Variants in GNG7 observed in about 807,000 individuals in gnomAD.
The protein encoded by GNG7 is G protein subunit gamma 7, also known as guanine nucleotide-binding protein G(I)/G(S)/G(O) subunit gamma-7.
A neutral mutation model predicts 4.0 loss-of-function variants in GNG7; 1 was observed. That is an observed-to-expected ratio of 0.25 (90% CI 0.09 to 1.18). The LOEUF is 1.18. Among genes scored for constraint, GNG7 ranks in the 50% most tolerant of loss-of-function variants. The pLI is 0.50. For synonymous variants in GNG7, 34 were observed against 36.9 expected, an observed-to-expected ratio of 0.92 and a Z score of 0.29; for missense variants, 86 against 91.9, an observed-to-expected ratio of 0.94 and a Z score of 0.26.
chr19:2,524,474 ATGTG>A (rs575709439), intron 3 of GNG7, among the ~76,000 whole-genome samples: 101 of 152,020 alleles, frequency 6.6e-4, no homozygotes, highest in Non-Finnish European at 1.3e-3. Context: ...GTGTGCATGT[ATGTG>A]TGTATGTGTA....
At chr19:2,624,812 G>T (rs1454538115) in intron 2 of GNG7, among the ~76,000 whole-genome samples, 1 of 152,240 alleles carries the variant, frequency 6.6e-6, no homozygotes, top group Admixed American at 6.5e-5. Context: ...CGGGCACAGG[G>T]GCCCGAGCCC....
intron 2 of GNG7, among the ~76,000 whole-genome samples, chr19:2,575,015 C>T (rs1980262778): frequency 6.6e-6 from 1 of 152,096 alleles, no homozygotes; most frequent in South Asian, 2.1e-4. Context: ...TCTGAGCTGT[C>T]AGGGAACCAG....
intron 2 of GNG7, among the ~76,000 whole-genome samples, chr19:2,578,027 C>T (rs1980395096): frequency 1.3e-5 from 2 of 151,436 alleles, no homozygotes; most frequent in South Asian, 2.1e-4. Context: ...TTTGTAGAGA[C>T]GGAGGTCTCG....
chr19:2,554,559 A>T (rs113003368), intron 3 of GNG7, among the ~76,000 whole-genome samples: 7,816 of 130,050 alleles, frequency 0.06, 299 homozygotes, highest in South Asian at 0.11. Flanking sequence ...ATATATATAT[A>T]TTTTTTTTTT....
chr19:2,515,230 A>G, intron 4 of GNG7, 83 bp from the exon 5 acceptor site: 1 of 1,574,484 alleles, frequency 6.4e-7, no homozygotes, highest in Middle Eastern at 2.3e-4. Context: ...CATTCCCAAG[A>G]GCCACAGGCG....
intron 1 of GNG7, among the ~76,000 whole-genome samples, chr19:2,702,201 T>A (rs1599468961): frequency 2.0e-5 from 1 of 49,168 alleles, no homozygotes; most frequent in Admixed American, 2.7e-4. Flanking sequence ...AACTCAGACC[T>A]CCAATCCCAC....
At chr19:2,664,950 G>T (rs1013338245) in intron 1 of GNG7, among the ~76,000 whole-genome samples, 2 of 151,732 alleles carry the variant, frequency 1.3e-5, no homozygotes, top group African/African-American at 4.8e-5. Flanking sequence ...ACCCTCAGTT[G>T]ACACCCCCTG....
chr19:2,568,705 T>C (rs1980040010), intron 2 of GNG7, among the ~76,000 whole-genome samples: 1 of 145,514 alleles, frequency 6.9e-6, no homozygotes, highest in Non-Finnish European at 1.5e-5. Flanking sequence ...ACATAAAATA[T>C]AGACACACAT....
rs147662493 is a variant in GNG7, at chr19:2,528,980, C to T, written c.-37-8255G>A. 9.2e-3 allele frequency among the ~76,000 whole-genome samples: 1,408 copies of T among 152,288 alleles called. 6 individuals carry two copies. The highest frequency in any genetic ancestry group is 0.015 in the Non-Finnish European group (999 of 68,016). On this transcript the variant is annotated intron_variant, in intron 3 of 4. Coordinates refer to ENST00000382159, the MANE Select transcript of GNG7 (RefSeq NM_052847.3). ...GCGAATGTGGAAGGGCCGGTTTGCC[C>T]GGAGCTCTTGAGAAATCTCACTCCC...
intron 1 of GNG7, among the ~76,000 whole-genome samples, chr19:2,691,476 G>A (rs546763082): frequency 2.6e-5 from 4 of 152,118 alleles, no homozygotes; most frequent in African/African-American, 7.2e-5. Context: ...CCTGGGAGGC[G>A]GAGGTTGCAG....
chr19:2,587,862 AGAAGGAAGGAAG>A (rs71178293), intron 2 of GNG7, among the ~76,000 whole-genome samples: 42 of 144,982 alleles, frequency 2.9e-4, no homozygotes, highest in East Asian at 1.0e-3. Flanking sequence ...AGAGAAAGAG[AGAAGGAAGGAAG>A]GAAGGAAGGA....
chr19:2,623,823 G>A (rs574682933), intron 2 of GNG7, among the ~76,000 whole-genome samples: 1 of 152,306 alleles, frequency 6.6e-6, no homozygotes, highest in South Asian at 2.1e-4. Flanking sequence ...GGAGGTTGCA[G>A]TGAGCCGAGG....
At chr19:2,518,862 C>A (rs1244724324) in intron 4 of GNG7, among the ~76,000 whole-genome samples, 1 of 151,972 alleles carries the variant, frequency 6.6e-6, no homozygotes, top group African/African-American at 2.4e-5. Flanking sequence ...GTGGCGCAAT[C>A]TCAGCTCACT....
intron 2 of GNG7, among the ~76,000 whole-genome samples, chr19:2,602,881 C>T (rs951771350): frequency 9.9e-5 from 14 of 140,850 alleles, no homozygotes; most frequent in Non-Finnish European, 1.6e-4. Flanking sequence ...TTCTCTCTTT[C>T]TCTTTCTTTT....
At chr19:2,649,860 C>A (rs1275396866) in intron 1 of GNG7, among the ~76,000 whole-genome samples, 2 of 152,128 alleles carry the variant, frequency 1.3e-5, no homozygotes, top group Admixed American at 6.6e-5. Flanking sequence ...CCCTCGCCAT[C>A]AGCCCCCGAT....
chr19:2,550,558 C>T (rs1028571553), intron 3 of GNG7, among the ~76,000 whole-genome samples: 2 of 152,164 alleles, frequency 1.3e-5, no homozygotes, highest in Non-Finnish European at 2.9e-5. Flanking sequence ...CAAGCCCCAG[C>T]TTCTGTGACT....
chr19:2,615,754 C>T (rs1027495946), intron 2 of GNG7, among the ~76,000 whole-genome samples: 2 of 152,178 alleles, frequency 1.3e-5, no homozygotes, highest in South Asian at 2.1e-4. Context: ...TGAGCCACCA[C>T]GCCTGGCCCA....
intron 2 of GNG7, among the ~76,000 whole-genome samples, chr19:2,570,617 C>G (rs986620162): frequency 2.6e-5 from 4 of 152,002 alleles, no homozygotes; most frequent in Non-Finnish European, 4.4e-5. Context: ...CATAATGGGC[C>G]CCAGGAGGAG....
At chr19:2,562,984 G>A (rs10408606) in intron 2 of GNG7, among the ~76,000 whole-genome samples, 5,850 of 151,632 alleles carry the variant, frequency 0.039, 359 homozygotes, top group African/African-American at 0.13. Flanking sequence ...TCGCTCTGTC[G>A]CCCAGGCTGG....
Sources: gnomAD v4.1 joint callset for allele counts (sites outside exome capture counted in the v4.1 genomes callset) on GRCh38, gnomAD v4.1.1 for gene constraint, MANE v1.5 for transcripts, NCBI Gene and HGNC (gene_info 2026-07-23, HGNC 2026-07-21) for gene names.